Variants in TRPC4AP observed in about 807,000 individuals in gnomAD.
TRPC4AP encodes transient receptor potential cation channel subfamily C member 4 associated protein.
In TRPC4AP, 45 loss-of-function variants were observed where a neutral mutation model predicts 99.0. The observed-to-expected ratio is 0.45, with a 90% confidence interval of 0.36 to 0.58. TRPC4AP has a LOEUF of 0.58. TRPC4AP is among the 20% of genes least tolerant of loss of function. The pLI is 0.00. For missense variants in TRPC4AP, 879 were observed against 985.3 expected (o/e 0.89, Z 1.44); for synonymous variants, 408 against 385.8 (o/e 1.06, Z -0.67).
chr20:35,020,345 C>CTGGT (rs2082856054), intron 9 of TRPC4AP, among the ~76,000 whole-genome samples: 3 of 152,192 alleles, frequency 2.0e-5, no homozygotes, highest in African/African-American at 7.2e-5. Context: ...TTGACATGAC[C>CTGGT]TGGTCCCTGT....
chr20:35,062,320 C>T (rs1409331762), intron 3 of TRPC4AP, among the ~76,000 whole-genome samples: 5 of 152,090 alleles, frequency 3.3e-5, no homozygotes, highest in Non-Finnish European at 7.4e-5. Context: ...GTAAGACAAT[C>T]TAATAGAAAA....
intron 1 of TRPC4AP, among the ~76,000 whole-genome samples, chr20:35,079,866 A>AT (rs1052545315): frequency 1.1e-4 from 17 of 151,496 alleles, no homozygotes; most frequent in Non-Finnish European, 2.4e-4. Context: ...AAAATAAAAA[A>AT]AAAAAATAAG....
intron 1 of TRPC4AP, among the ~76,000 whole-genome samples, chr20:35,081,836 T>G (rs1268642133): frequency 6.6e-6 from 1 of 151,392 alleles, no homozygotes; most frequent in Non-Finnish European, 1.5e-5. Context: ...AAATGCAAAA[T>G]TAGCTGGGCA....
intron 7 of TRPC4AP, among the ~76,000 whole-genome samples, chr20:35,037,046 T>C (rs2083334966): frequency 1.3e-5 from 2 of 148,930 alleles, no homozygotes; most frequent in South Asian, 4.2e-4. Flanking sequence ...AAAACTACAT[T>C]GAGGTTCCTC....
chr20:35,031,849 T>C (rs1252984749), intron 8 of TRPC4AP, among the ~76,000 whole-genome samples: 1 of 152,194 alleles, frequency 6.6e-6, no homozygotes, highest in Non-Finnish European at 1.5e-5. Flanking sequence ...TATCTACTGC[T>C]GAGTCTTTCT....
intron 1 of TRPC4AP, among the ~76,000 whole-genome samples, chr20:35,085,719 T>A (rs1258073085): frequency 6.6e-6 from 1 of 152,056 alleles, no homozygotes; most frequent in Admixed American, 6.6e-5. Context: ...CTGGCAGGTA[T>A]CACATGGGTT....
chr20:35,005,664 G>A, intron 16 of TRPC4AP, 31 bp downstream of exon 16: 1 of 1,597,012 alleles, frequency 6.3e-7, no homozygotes, highest in Non-Finnish European at 8.6e-7. Flanking sequence ...TACCCTGCAT[G>A]ACTTGCCTTG....
intron 11 of TRPC4AP, among the ~76,000 whole-genome samples, chr20:35,012,068 G>A (rs965244088): frequency 1.3e-5 from 2 of 152,212 alleles, no homozygotes; most frequent in Admixed American, 1.3e-4. Flanking sequence ...TCTGATGAAA[G>A]CCAGAGACTC....
Position 35,002,941 on chromosome 20 carries a change from A to C in TRPC4AP, c.*205T>G. The stretch of plus-strand genomic sequence containing the variant: ...GTGGGCATGGTACCCTGTCCTCATT[A>C]TGGGGACTGAGGCTCTCCATGACCT... On this transcript the variant is annotated 3_prime_UTR_variant, in exon 19 of 19. Transcript: ENST00000252015. 1.6e-6 allele frequency: 1 copy of C among 617,346 alleles called. No homozygotes were observed. The highest frequency in any genetic ancestry group is 3.0e-5 in the East Asian group (1 of 33,128). 38.2% of individuals were successfully genotyped at this position (617,346 alleles called of 1,614,324 possible).
intron 6 of TRPC4AP, among the ~76,000 whole-genome samples, chr20:35,049,245 C>T (rs138542460): frequency 2.3e-4 from 35 of 150,356 alleles, no homozygotes; most frequent in African/African-American, 8.3e-4. Context: ...GTTTTCATTT[C>T]GATCATAGCT....
rs190434074 is a variant in TRPC4AP at position 35,010,040 on chromosome 20, A to G, written c.1511+147T>C. Reference sequence around the variant, plus strand: ...GAGAAAATGCAGGTGACATGAATACAATGCCTGGCACACAGGAGCCCTCAG... The same window carrying G: ...GAGAAAATGCAGGTGACATGAATACGATGCCTGGCACACAGGAGCCCTCAG... On this transcript the variant is annotated intron_variant, in intron 12 of 18. Transcript: ENST00000252015. 175 of 642,674 alleles carry G rather than the reference A, an allele frequency of 2.7e-4. No homozygotes were observed. The East Asian group carries it at 4.7e-3, about 17-fold the overall frequency. The allele number at this position is 642,674 out of a possible 1,614,324, so 39.8% of individuals were successfully genotyped here. A position where few individuals can be genotyped will look rare whatever the true frequency, so the allele number is the denominator to read the frequency against.
At chr20:35,016,674 TTATAATAAACC>T (rs915775319) in intron 9 of TRPC4AP, among the ~76,000 whole-genome samples, 1 of 152,096 alleles carries the variant, frequency 6.6e-6, no homozygotes, top group African/African-American at 2.4e-5. Context: ...TTCTGAAGGA[TTATAATAAACC>T]TAGAAGCTCA....
At chr20:35,013,180 T>A (rs555963966) in intron 10 of TRPC4AP, 114 bp from the exon 11 acceptor site, 2 of 927,212 alleles carry the variant, frequency 2.2e-6, no homozygotes, top group South Asian at 2.9e-5. Flanking sequence ...TCATGTACCA[T>A]GAGGACTTTT....
At chr20:35,063,779 A>G (rs1348286884) in intron 3 of TRPC4AP, among the ~76,000 whole-genome samples, 1 of 152,152 alleles carries the variant, frequency 6.6e-6, no homozygotes. Flanking sequence ...GAGGATCACT[A>G]GAGCCCAGGG....
intron 13 of TRPC4AP, 121 bp from the exon 14 acceptor site, chr20:35,007,761 A>C (rs1034259258): frequency 2.0e-6 from 2 of 989,004 alleles, no homozygotes; most frequent in Non-Finnish European, 3.1e-6. Context: ...CTGAACATCT[A>C]CCAAGCATCA....
At chr20:35,040,917 G>T (rs2083432615) in intron 7 of TRPC4AP, among the ~76,000 whole-genome samples, 1 of 152,188 alleles carries the variant, frequency 6.6e-6, no homozygotes, top group African/African-American at 2.4e-5. Context: ...GTTAAATGAG[G>T]TTACAAAGTG....
chr20:35,090,211 T>G, intron 1 of TRPC4AP, among the ~76,000 whole-genome samples: 1 of 150,252 alleles, frequency 6.7e-6, no homozygotes, highest in African/African-American at 2.4e-5. Context: ...AAAGAAATAT[T>G]TGAAAGATGA....
chr20:35,023,317 G>A (rs184420174), intron 8 of TRPC4AP, among the ~76,000 whole-genome samples: 1 of 152,268 alleles, frequency 6.6e-6, no homozygotes, highest in Non-Finnish European at 1.5e-5. Context: ...ACCCCTTAAT[G>A]TTGTAAGGAG....
intron 8 of TRPC4AP, among the ~76,000 whole-genome samples, chr20:35,025,203 G>GT (rs1405982208): frequency 1.1e-4 from 17 of 152,128 alleles, no homozygotes; most frequent in Admixed American, 2.6e-4. Flanking sequence ...TGTGGGGTTT[G>GT]TTTTTTCCTC....
Sources: allele counts gnomAD v4.1 joint callset (sites outside exome capture counted in the v4.1 genomes callset), GRCh38; gene constraint gnomAD v4.1.1; transcripts MANE v1.5; gene names NCBI Gene and HGNC (gene_info 2026-07-23, HGNC 2026-07-21).